The following CXXC4 variants were observed in gnomAD, a reference collection of about 807,000 sequenced individuals.
CXXC4 encodes the protein CXXC-type zinc finger protein 4.
In CXXC4, 5 loss-of-function variants were observed where a neutral mutation model predicts 20.5. The observed-to-expected ratio is 0.24, with a 90% confidence interval of 0.13 to 0.51. The LOEUF (loss-of-function observed/expected upper bound fraction) is 0.51, where lower values mean the gene tolerates loss of function less well. Among genes scored for constraint, CXXC4 ranks in the 20% least tolerant of loss-of-function variants. CXXC4 has a pLI of 0.97. For synonymous variants in CXXC4, 250 were observed against 216.4 expected, an observed-to-expected ratio of 1.16 and a Z score of -1.36; for missense variants, 419 against 496.4, an observed-to-expected ratio of 0.84 and a Z score of 1.48.
At position 104,468,590 on chromosome 4, in the gene CXXC4, A is replaced by G. The variant is rs182852731; in HGVS notation, c.*3732T>C. On this transcript the variant is annotated 3_prime_UTR_variant, in exon 3 of 3. Transcript: ENST00000394767. ...GTGAAAGGAGTACATTTTGTGGCCC[A>G]TGTTCCTGAAATATCTGTTTTGCAA... 2.0e-5 allele frequency: 3 copies of G among 151,942 alleles called. No individual in the cohort carries two copies. Among genetic ancestry groups the G allele is most frequent in the Admixed American group, 2.0e-4 (3 of 15,212 alleles). 9.4% of individuals were successfully genotyped at this position (151,942 alleles called of 1,614,324 possible).
intron 1 of CXXC4, among the ~76,000 whole-genome samples, chr4:104,493,779 GAC>G (rs949713337): frequency 6.6e-6 from 1 of 152,170 alleles, no homozygotes; most frequent in Non-Finnish European, 1.5e-5. Flanking sequence ...GGTGAGGGAA[GAC>G]ACAGCAAGAA....
At chr4:104,486,927 C>CTT (rs1449090817) in intron 2 of CXXC4, among the ~76,000 whole-genome samples, 1 of 152,066 alleles carries the variant, frequency 6.6e-6, no homozygotes, top group Non-Finnish European at 1.5e-5. Context: ...GCTCTTAGAA[C>CTT]TTAACAGCGT....
At chr4:104,472,424 A>G in intron 2 of CXXC4, 58 bp from the exon 3 acceptor site, 1 of 1,306,510 alleles carries the variant, frequency 7.7e-7, no homozygotes. Context: ...ATATAAAATT[A>G]GATTTTTCTC....
In CXXC4 at chr4:104,471,571, T is replaced by C. The variant is rs1373485327; in HGVS notation, c.*751A>G. 6 of 152,096 alleles carry C rather than the reference T, an allele frequency of 3.9e-5. No homozygotes were observed. In the East Asian group the frequency reaches 1.2e-3, roughly 29 times the overall value. 9.4% of individuals were successfully genotyped at this position (152,096 alleles called of 1,614,324 possible). Reference sequence around the variant, plus strand: ...TATACCCTTCTGTACAGCTCGTTTGTAAGCAATGCAAGTGCATAACCACTA... The same window carrying C: ...TATACCCTTCTGTACAGCTCGTTTGCAAGCAATGCAAGTGCATAACCACTA... On this transcript the variant is annotated 3_prime_UTR_variant, in exon 3 of 3. Coordinates refer to ENST00000394767, the MANE Select transcript of CXXC4 (RefSeq NM_025212.4).
chr4:104,481,543 AG>A (rs1736557921), intron 2 of CXXC4, among the ~76,000 whole-genome samples: 1 of 151,212 alleles, frequency 6.6e-6, no homozygotes, highest in East Asian at 1.9e-4. Flanking sequence ...AAGGGAAAAA[AG>A]AAAAAAAAAA....
intron 1 of CXXC4, among the ~76,000 whole-genome samples, chr4:104,493,799 A>G (rs1277663515): frequency 2.0e-5 from 3 of 152,232 alleles, no homozygotes; most frequent in Non-Finnish European, 4.4e-5. Flanking sequence ...GAATATGCAT[A>G]TAGCTTCAGT....
intron 2 of CXXC4, among the ~76,000 whole-genome samples, chr4:104,486,946 T>C (rs181657580): frequency 7.9e-5 from 12 of 152,276 alleles, no homozygotes; most frequent in Admixed American, 3.3e-4. Context: ...GTAAACAATA[T>C]GTCCCTCCTC....
intron 2 of CXXC4, among the ~76,000 whole-genome samples, chr4:104,481,015 A>G (rs1736545784): frequency 6.6e-6 from 1 of 152,180 alleles, no homozygotes; most frequent in East Asian, 1.9e-4. Flanking sequence ...ATATGCCTTG[A>G]AATAAAACAG....
chr4:104,478,379 A>G (rs1164903601), intron 2 of CXXC4, among the ~76,000 whole-genome samples: 1 of 152,164 alleles, frequency 6.6e-6, no homozygotes, highest in African/African-American at 2.4e-5. Flanking sequence ...GCCTGTCATG[A>G]AAACAGCTGT....
intron 2 of CXXC4, among the ~76,000 whole-genome samples, chr4:104,477,301 T>C (rs903466940): frequency 6.6e-6 from 1 of 152,282 alleles, no homozygotes; most frequent in Non-Finnish European, 1.5e-5. Context: ...ACCTTTTTTT[T>C]CTGATTTGAT....
rs1458879201 is a variant in CXXC4 at position 104,491,197 on chromosome 4, G to A, written c.606C>T (p.Ser202=). 2.5e-6 allele frequency: 4 copies of A among 1,613,636 alleles called. No homozygotes were observed. The highest frequency in any genetic ancestry group is 3.3e-5 in the Admixed American group (2 of 60,000). Residue 202 remains serine (S), a synonymous_variant, in exon 2 of 3, where the codon TCC becomes TCT. Coordinates refer to ENST00000394767, the MANE Select transcript of CXXC4 (RefSeq NM_025212.4). The stretch of plus-strand genomic sequence containing the variant: ...CCGCCAAAGGTCTGCAGTGTTCAGG[G>A]GATAAGGTGGAGAGGAAATTAGTAT... ...MANTNFLSTL[S]PEHCRPLAGE...
chr4:104,491,770 C>G lies in CXXC4; in HGVS notation c.33G>C (p.Pro11=). 6.5e-7 allele frequency: 1 copy of G among 1,526,930 alleles called. No homozygotes were observed. Among genetic ancestry groups the G allele is most frequent in the Non-Finnish European group, 8.8e-7 (1 of 1,135,678 alleles). 94.6% of individuals were successfully genotyped at this position (1,526,930 alleles called of 1,614,324 possible). A position where few individuals can be genotyped will look rare whatever the true frequency, so the allele number is the denominator to read the frequency against. ...TGGGCAAGCCCGGGGCCTCCGGGCTCGGCCCGGGCTCCACGCAGACATTGG... is the reference window on the plus strand; with the variant it reads ...TGGGCAAGCCCGGGGCCTCCGGGCTGGGCCCGGGCTCCACGCAGACATTGG... MNTNVCVEPG[P]SPEAPGLPKE... The change falls in exon 2 of 3, where the codon CCG becomes CCC. Residue 11 remains proline, a synonymous_variant. Coordinates refer to ENST00000394767, the MANE Select transcript of CXXC4 (RefSeq NM_025212.4).
intron 2 of CXXC4, among the ~76,000 whole-genome samples, chr4:104,486,629 T>C (rs1203349602): frequency 2.6e-5 from 4 of 152,232 alleles, no homozygotes; most frequent in African/African-American, 9.6e-5. Flanking sequence ...AGATGAAAAA[T>C]TGAAAACTCA....
At chr4:104,485,230 T>G (rs1323923165) in intron 2 of CXXC4, among the ~76,000 whole-genome samples, 1 of 152,040 alleles carries the variant, frequency 6.6e-6, no homozygotes, top group Non-Finnish European at 1.5e-5. Flanking sequence ...TTCAGTTCAT[T>G]TTTGCTTTTT....
intron 2 of CXXC4, among the ~76,000 whole-genome samples, chr4:104,473,885 C>T (rs191346895): frequency 2.8e-4 from 43 of 152,042 alleles, no homozygotes; most frequent in Non-Finnish European, 5.5e-4. Flanking sequence ...TACTTTCTCA[C>T]ACGTGTTATT....
chr4:104,476,463 A>C (rs573640644), intron 2 of CXXC4, among the ~76,000 whole-genome samples: 15 of 152,288 alleles, frequency 9.8e-5, no homozygotes, highest in African/African-American at 3.6e-4. Flanking sequence ...ATATGAGGAT[A>C]TGTGGATTGG....
At chr4:104,475,481 G>A (rs1323168158) in intron 2 of CXXC4, among the ~76,000 whole-genome samples, 2 of 152,112 alleles carry the variant, frequency 1.3e-5, no homozygotes, top group Admixed American at 6.5e-5. Flanking sequence ...CTTTAGGACT[G>A]ATTGAGTTTG....
In CXXC4 at chr4:104,469,025, T is replaced by G. The variant is rs998523190; in HGVS notation, c.*3297A>C. ...CCATCTCTTGCTCCTTATAAATGTG[T>G]TTAGAAGAAGGAAATTGAGTGTTGG... On this transcript the variant is annotated 3_prime_UTR_variant, in exon 3 of 3. Coordinates refer to ENST00000394767, the MANE Select transcript of CXXC4 (RefSeq NM_025212.4). 1 of 152,040 alleles carries G rather than the reference T, an allele frequency of 6.6e-6. No homozygotes were observed. The highest frequency in any genetic ancestry group is 2.4e-5 in the African/African-American group (1 of 41,408). 9.4% of individuals were successfully genotyped at this position (152,040 alleles called of 1,614,324 possible).
chr4:104,472,760 C>G (rs1031363593), intron 2 of CXXC4, among the ~76,000 whole-genome samples: 1 of 151,904 alleles, frequency 6.6e-6, no homozygotes, highest in Non-Finnish European at 1.5e-5. Context: ...ATCTTACCGT[C>G]AGGATAACAT....
Sources: gnomAD v4.1 joint callset for allele counts (sites outside exome capture counted in the v4.1 genomes callset) on GRCh38, gnomAD v4.1.1 for gene constraint, MANE v1.5 for transcripts, NCBI Gene and HGNC (gene_info 2026-07-23, HGNC 2026-07-21) for gene names.